PCDH15: variants seen among roughly 807,000 people sequenced by gnomAD.
PCDH15 encodes protocadherin-15.
In PCDH15, 129 loss-of-function variants were observed where a neutral mutation model predicts 178.5. That is an observed-to-expected ratio of 0.72 (90% CI 0.63 to 0.84). The LOEUF is 0.84. Among genes scored for constraint, PCDH15 ranks in the 40% least tolerant of loss-of-function variants. The pLI, the probability that PCDH15 is intolerant of heterozygous loss-of-function variation, is 0.00. For missense variants in PCDH15, 2,230 were observed against 2,099.9 expected (o/e 1.06, Z -1.21); for synonymous variants, 800 against 732.0 (o/e 1.09, Z -1.50).
At chr10:55,322,586 C>A (rs1349310262), upstream of PCDH15, among the ~76,000 whole-genome samples, 2 of 151,960 alleles carry the variant, frequency 1.3e-5, no homozygotes, top group Non-Finnish European at 2.9e-5. Context: ...GCTGAGGTGG[C>A]CTTAGATGGA....
At chr10:55,386,565 G>A (rs1837664191) in intron 2 of PCDH15, among the ~76,000 whole-genome samples, 1 of 151,974 alleles carries the variant, frequency 6.6e-6, no homozygotes. Context: ...ATACCCCAAG[G>A]TGGAGGATGT....
At chr10:53,821,166 T>TAAGA in intron 32 of PCDH15, 1 of 972,014 alleles carries the variant, frequency 1.0e-6, no homozygotes, top group Non-Finnish European at 1.2e-6. Context: ...ATAAAGAGAA[T>TAAGA]AAGACAGCAA....
chr10:54,704,432 C>T (rs1023372485), intron 1 of PCDH15, among the ~76,000 whole-genome samples: 13 of 151,778 alleles, frequency 8.6e-5, no homozygotes, highest in African/African-American at 2.2e-4. Flanking sequence ...GTCTAATATC[C>T]GGAATTTCTA....
At chr10:54,863,738 T>C (rs1953888432) in intron 3 of PCDH15, among the ~76,000 whole-genome samples, 1 of 152,228 alleles carries the variant, frequency 6.6e-6, no homozygotes, top group Non-Finnish European at 1.5e-5. Context: ...AACTTCATTA[T>C]TTTTGATGGG....
intron 2 of PCDH15, among the ~76,000 whole-genome samples, chr10:55,050,870 A>G (rs1193845227): frequency 1.3e-5 from 2 of 152,122 alleles, no homozygotes; most frequent in African/African-American, 4.8e-5. Context: ...TCTTCAACTT[A>G]CCATGATAAT....
intron 2 of PCDH15, among the ~76,000 whole-genome samples, chr10:54,973,151 G>A (rs113203241): frequency 1.3e-5 from 2 of 152,074 alleles, no homozygotes; most frequent in African/African-American, 2.4e-5. Context: ...GAAAAGGAAT[G>A]CAGAATAATA....
intron 2 of PCDH15, among the ~76,000 whole-genome samples, chr10:55,341,653 AC>A (rs1405967789): frequency 7.0e-6 from 1 of 142,902 alleles, no homozygotes; most frequent in African/African-American, 2.6e-5. Flanking sequence ...TACTCCAACC[AC>A]CCGCTCCCGG....
chr10:54,570,050 GT>G (rs2089589251), intron 2 of PCDH15, among the ~76,000 whole-genome samples: 2 of 151,732 alleles, frequency 1.3e-5, no homozygotes, highest in Admixed American at 6.6e-5. Context: ...GTGTGTGTGT[GT>G]GTGTGTCTGT....
At chr10:54,959,840 G>T (rs1838594608) in intron 2 of PCDH15, among the ~76,000 whole-genome samples, 4 of 152,042 alleles carry the variant, frequency 2.6e-5, no homozygotes, top group Admixed American at 2.6e-4. Flanking sequence ...TGAAGCAATT[G>T]CTTTAGAACA....
At chr10:53,883,156 T>A (rs28465362) in intron 26 of PCDH15, among the ~76,000 whole-genome samples, 1 of 111,248 alleles carries the variant, frequency 9.0e-6, no homozygotes, top group Non-Finnish European at 1.7e-5. Flanking sequence ...CACACATATA[T>A]ACACACATAT....
intron 32 of PCDH15, among the ~76,000 whole-genome samples, chr10:53,820,484 G>GTAAT (rs2076221020): frequency 1.3e-5 from 2 of 152,002 alleles, no homozygotes; most frequent in African/African-American, 4.8e-5. Context: ...ACTTCCAATA[G>GTAAT]TAATTATCAG....
In PCDH15 at chr10:55,203,177, C is replaced by T. The variant is rs146379120; in HGVS notation, c.-155-36526G>A. ...CTTCTTGGTTCTGAGAAATATCAAA[C>T]AGTGTCCTTTTTCAAAGGGATGAGT... On this transcript the variant is annotated intron_variant, in intron 1 of 5. Transcript: ENST00000458638. 2.4e-3 allele frequency among the ~76,000 whole-genome samples: 359 copies of T among 152,188 alleles called. 6 individuals carry two copies. The highest frequency in any genetic ancestry group is 8.2e-3 in the African/African-American group (342 of 41,496).
At chr10:54,408,373 A>G (rs543257596) in intron 3 of PCDH15, among the ~76,000 whole-genome samples, 42 of 152,276 alleles carry the variant, frequency 2.8e-4, no homozygotes, top group African/African-American at 9.9e-4. Flanking sequence ...GAATTATTCC[A>G]TATATGTAAA....
intron 3 of PCDH15, among the ~76,000 whole-genome samples, chr10:54,866,384 G>T (rs1268744529): frequency 6.6e-6 from 1 of 152,118 alleles, no homozygotes; most frequent in African/African-American, 2.4e-5. Context: ...TAGGCATCTG[G>T]AACAGACAGA....
At chr10:54,592,400 C>T (rs117565661) in intron 2 of PCDH15, among the ~76,000 whole-genome samples, 183 of 151,444 alleles carry the variant, frequency 1.2e-3, no homozygotes, top group Non-Finnish European at 1.8e-3. Context: ...GTATAGCTGA[C>T]AAGTAAAAAT....
chr10:53,941,759 C>T (rs2384342), intron 23 of PCDH15, among the ~76,000 whole-genome samples: 1 of 152,132 alleles, frequency 6.6e-6, no homozygotes, highest in Non-Finnish European at 1.5e-5. Flanking sequence ...ACTGACTGTA[C>T]CATTTTGTAT....
intron 2 of PCDH15, among the ~76,000 whole-genome samples, chr10:54,961,169 C>T (rs936716117): frequency 2.0e-5 from 3 of 152,194 alleles, no homozygotes; most frequent in African/African-American, 7.2e-5. Context: ...CCCTTGTGCC[C>T]GCTCCAGTGT....
rs560437474 is a variant in PCDH15 at position 55,318,049 on chromosome 10, G to A, written c.-156+1550C>T. The stretch of plus-strand genomic sequence containing the variant: ...GAAGCACTGACCTGTAGTTACAGGA[G>A]TTCCAAGTTTAGAGCGTAAAACAAC... On this transcript the variant is annotated intron_variant, in intron 1 of 5. Transcript: ENST00000458638. Among the ~76,000 whole-genome samples the A allele has an allele frequency of 9.0e-4, 137 of 152,084 alleles. 2 individuals are homozygous for A. Among genetic ancestry groups the A allele is most frequent in the African/African-American group, 3.3e-3 (135 of 41,510 alleles).
chr10:54,541,972 A>T (rs907052338), intron 2 of PCDH15, among the ~76,000 whole-genome samples: 7 of 152,214 alleles, frequency 4.6e-5, no homozygotes, highest in Non-Finnish European at 5.9e-5. Context: ...CAAGACAGTT[A>T]TGTGTACTTA....
Sources: gnomAD v4.1 joint callset for allele counts (sites outside exome capture counted in the v4.1 genomes callset) on GRCh38, gnomAD v4.1.1 for gene constraint, MANE v1.5 for transcripts, NCBI Gene and HGNC (gene_info 2026-07-23, HGNC 2026-07-21) for gene names.